The following CDC5L variants were observed in gnomAD, a reference collection of about 807,000 sequenced individuals.
CDC5L encodes the protein cell division cycle 5 like, also known as cell division cycle 5-like protein.
In CDC5L, 18 loss-of-function variants were observed where a neutral mutation model predicts 104.1. The ratio of observed to expected loss-of-function variants is 0.17; its 90% confidence interval spans 0.12 to 0.26. CDC5L has a LOEUF of 0.26. Ranked by LOEUF, CDC5L falls within the 10% of genes least tolerant of loss-of-function variation. The probability of loss-of-function intolerance (pLI) is 1.00; values close to 1 mark genes in which losing one functional copy is unlikely to be tolerated. For synonymous variants in CDC5L, 331 were observed against 322.7 expected, an observed-to-expected ratio of 1.03 and a Z score of -0.28; for missense variants, 673 against 956.9, an observed-to-expected ratio of 0.70 and a Z score of 3.91.
Position 44,448,797 on chromosome 6 carries a change from T to C in CDC5L, c.*2086T>C, listed in dbSNP as rs1793545067. On this transcript the variant is annotated 3_prime_UTR_variant, in exon 16 of 16. Coordinates refer to ENST00000371477, the MANE Select transcript of CDC5L (RefSeq NM_001253.4). The stretch of plus-strand genomic sequence containing the variant: ...TAGACATTTTTTTTTCTTATTTTAA[T>C]GGGAATGTCCATAGTTTTAAGTTTG... 2 of 152,208 alleles carry C rather than the reference T, an allele frequency of 1.3e-5. No individual in the cohort carries two copies. Among genetic ancestry groups the C allele is most frequent in the African/African-American group, 4.8e-5 (2 of 41,458 alleles). The allele number at this position is 152,208 out of a possible 1,614,324, so 9.4% of individuals were successfully genotyped here.
At chr6:44,405,109 T>C (rs928552824) in intron 6 of CDC5L, among the ~76,000 whole-genome samples, 10 of 152,312 alleles carry the variant, frequency 6.6e-5, no homozygotes, top group Non-Finnish European at 1.3e-4. Flanking sequence ...AAAATCTTTA[T>C]GTTTTAGGGC....
chr6:44,429,660 A>T, intron 13 of CDC5L, 53 bp from the exon 14 acceptor site: 1 of 1,496,124 alleles, frequency 6.7e-7, no homozygotes, highest in Non-Finnish European at 9.3e-7. Flanking sequence ...AGCTCTCTGG[A>T]TATGGCAAGT....
chr6:44,445,500 A>C (rs1445208905), intron 14 of CDC5L, among the ~76,000 whole-genome samples, 155 bp from the exon 15 acceptor site: 8 of 152,190 alleles, frequency 5.3e-5, no homozygotes, highest in Admixed American at 4.6e-4. Context: ...AATCCTTCTT[A>C]AGCTTGATAT....
rs1227591891 is a variant in CDC5L at position 44,419,404 on chromosome 6, C to G, written c.1093-45C>G. On this transcript the variant is annotated intron_variant, in intron 8 of 15. Transcript: ENST00000371477. Reference sequence around the variant, plus strand: ...TAGGACCAGAAGAGATTCTGCAAGTCTGTCTAAACTTTTAAACTTGCTTCT... The same window carrying G: ...TAGGACCAGAAGAGATTCTGCAAGTGTGTCTAAACTTTTAAACTTGCTTCT... 6.3e-6 allele frequency: 10 copies of G among 1,593,172 alleles called. No individual in the cohort carries two copies. The South Asian group carries it at 1.1e-4, about 18-fold the overall frequency.
At chr6:44,409,646 G>C (rs956177434) in intron 8 of CDC5L, among the ~76,000 whole-genome samples, 5 of 152,128 alleles carry the variant, frequency 3.3e-5, no homozygotes, top group African/African-American at 1.2e-4. Context: ...TCTAGACTAC[G>C]CTGGCTGTGT....
intron 7 of CDC5L, 95 bp downstream of exon 7, chr6:44,406,562 C>G: frequency 9.2e-7 from 1 of 1,083,508 alleles, no homozygotes; most frequent in Non-Finnish European, 1.4e-6. Flanking sequence ...CAGGTTTGTG[C>G]TGGATGCTCT....
At chr6:44,429,268 C>T (rs1792567977) in intron 13 of CDC5L, among the ~76,000 whole-genome samples, 1 of 152,134 alleles carries the variant, frequency 6.6e-6, no homozygotes. Context: ...TATCCGCCCA[C>T]CTCAGCCTCC....
At chr6:44,438,843 C>T (rs1253755265) in intron 14 of CDC5L, among the ~76,000 whole-genome samples, 1 of 151,460 alleles carries the variant, frequency 6.6e-6, no homozygotes, top group Non-Finnish European at 1.5e-5. Context: ...TCCTTGTATA[C>T]CTTATTTTTA....
At chr6:44,420,343 T>C (rs930302278) in intron 9 of CDC5L, among the ~76,000 whole-genome samples, 47 of 151,840 alleles carry the variant, frequency 3.1e-4, no homozygotes, top group African/African-American at 1.1e-3. Context: ...AAATCCAGAA[T>C]GCTCCAAAAT....
In CDC5L at chr6:44,435,376, A is replaced by C. The variant is rs142779844; in HGVS notation, c.2091+5466A>C. 2.6e-5 allele frequency among the ~76,000 whole-genome samples: 4 copies of C among 152,142 alleles called. No individual in the cohort carries two copies. In the East Asian group the frequency reaches 7.8e-4, roughly 30 times the overall value. On this transcript the variant is annotated intron_variant, in intron 14 of 15. Transcript: ENST00000371477. ...AAGTAAAAGCTTTTCTCAGGTGTCA[A>C]AATTCTTATAAGTGGGTACATGTAG... is the stretch of plus-strand genomic sequence containing the variant.
chr6:44,396,285 C>A, intron 4 of CDC5L, 56 bp from the exon 5 acceptor site: 1 of 1,128,784 alleles, frequency 8.9e-7, no homozygotes, highest in Non-Finnish European at 1.3e-6. Flanking sequence ...TACCTTGCTT[C>A]TAGAGTATGT....
At chr6:44,416,853 C>T (rs937767849) in intron 8 of CDC5L, among the ~76,000 whole-genome samples, 1 of 152,178 alleles carries the variant, frequency 6.6e-6, no homozygotes, top group African/African-American at 2.4e-5. Context: ...CTTATTTCTC[C>T]TCTTTCCTAT....
chr6:44,411,608 C>CAGAG (rs1292898511), intron 8 of CDC5L, among the ~76,000 whole-genome samples: 32 of 135,438 alleles, frequency 2.4e-4, no homozygotes, highest in African/African-American at 6.5e-4. Flanking sequence ...CTGTGAGAGA[C>CAGAG]AGAGAGAGAG....
At chr6:44,405,883 G>A (rs958530277) in intron 6 of CDC5L, among the ~76,000 whole-genome samples, 4 of 150,804 alleles carry the variant, frequency 2.7e-5, no homozygotes, top group Admixed American at 2.6e-4. Flanking sequence ...AATGTATATT[G>A]TTTTTACCTT....
At chr6:44,393,414 A>G in intron 3 of CDC5L, 32 bp from the exon 4 acceptor site, 2 of 1,604,398 alleles carry the variant, frequency 1.2e-6, no homozygotes, top group African/African-American at 1.3e-5. Flanking sequence ...ATGGTACTGT[A>G]GTGTGACTAA....
rs933056617 is a variant in CDC5L at position 44,449,064 on chromosome 6, T to C, written c.*2353T>C. 2 of 152,226 alleles carry C rather than the reference T, an allele frequency of 1.3e-5. No individual in the cohort carries two copies. Among genetic ancestry groups the C allele is most frequent in the Non-Finnish European group, 2.9e-5 (2 of 68,032 alleles). 9.4% of individuals were successfully genotyped at this position (152,226 alleles called of 1,614,324 possible). ...AATTTTTAAAAGAAATTTTAAAGGA[T>C]TTATAGTTTATTTGCACTTTTTGTA... On this transcript the variant is annotated 3_prime_UTR_variant, in exon 16 of 16. Coordinates refer to ENST00000371477, the MANE Select transcript of CDC5L (RefSeq NM_001253.4).
chr6:44,416,300 A>C (rs1791904834), intron 8 of CDC5L, among the ~76,000 whole-genome samples: 1 of 152,202 alleles, frequency 6.6e-6, no homozygotes, highest in African/African-American at 2.4e-5. Flanking sequence ...GTCATAGCTT[A>C]CAGGGAAATC....
Position 44,403,972 on chromosome 6 carries a change from C to T in CDC5L, c.703C>T (p.Leu235Phe). 3 of 1,613,272 alleles carry T rather than the reference C, an allele frequency of 1.9e-6. No homozygotes were observed. The highest frequency in any genetic ancestry group is 2.5e-6 in the Non-Finnish European group (3 of 1,179,852). The change falls in exon 6 of 16, where the codon CTT (leucine) becomes TTT (phenylalanine). Residue 235 changes from leucine to phenylalanine, a missense_variant. Coordinates refer to ENST00000371477, the MANE Select transcript of CDC5L (RefSeq NM_001253.4). ...TACTTCTGAGGAAAACTACCAAGCT[C>T]TTGACGCAGATTTCAGGAAATTAAG... ...YDTSEENYQALDADFRKLRQQ... is the reference protein window; with the variant it reads ...YDTSEENYQAFDADFRKLRQQ...
chr6:44,389,349 C>G (rs1790492676), intron 1 of CDC5L, among the ~76,000 whole-genome samples: 1 of 152,156 alleles, frequency 6.6e-6, no homozygotes, highest in African/African-American at 2.4e-5. Context: ...GTGGTCAAAG[C>G]TCTGCAGTCT....
Sources: allele counts gnomAD v4.1 joint callset (sites outside exome capture counted in the v4.1 genomes callset), GRCh38; gene constraint gnomAD v4.1.1; transcripts MANE v1.5; gene names NCBI Gene and HGNC (gene_info 2026-07-23, HGNC 2026-07-21).